NCOR2: variants seen among roughly 807,000 people sequenced by gnomAD.
NCOR2 encodes nuclear receptor corepressor 2.
A neutral mutation model predicts 262.9 loss-of-function variants in NCOR2; 81 were observed. That is an observed-to-expected ratio of 0.31 (90% CI 0.26 to 0.37). The LOEUF (loss-of-function observed/expected upper bound fraction) is 0.37, where lower values mean the gene tolerates loss of function less well. Among genes scored for constraint, NCOR2 ranks in the 10% least tolerant of loss-of-function variants. The probability of loss-of-function intolerance (pLI) is 1.00; values close to 1 mark genes in which losing one functional copy is unlikely to be tolerated. For missense variants in NCOR2, 3,385 were observed against 3,621.4 expected (o/e 0.93, Z 1.68); for synonymous variants, 1,659 against 1,559.3 (o/e 1.06, Z -1.51).
chr12:124,501,234 C>T (rs1287106698), intron 1 of NCOR2, among the ~76,000 whole-genome samples: 1 of 152,080 alleles, frequency 6.6e-6, no homozygotes, highest in Non-Finnish European at 1.5e-5. Context: ...ACAGGCAGGC[C>T]CCAGGAGCCC....
chr12:124,329,274 C>CA (rs1259752809), intron 44 of NCOR2: 13 of 384,798 alleles, frequency 3.4e-5, no homozygotes, highest in Non-Finnish European at 5.2e-5. Context: ...TCAGCCTGGC[C>CA]AATATGATGA....
intron 1 of NCOR2, among the ~76,000 whole-genome samples, chr12:124,508,184 C>A: frequency 6.6e-6 from 1 of 152,366 alleles, no homozygotes; most frequent in East Asian, 1.9e-4. Context: ...TGGGAGGACC[C>A]CACTGCCGCC....
At chr12:124,379,669 T>C (rs2040272317) in intron 17 of NCOR2, among the ~76,000 whole-genome samples, 1 of 152,220 alleles carries the variant, frequency 6.6e-6, no homozygotes, top group African/African-American at 2.4e-5. Context: ...CCAAGAGCCC[T>C]GTACTGGGTT....
At chr12:124,436,611 C>T (rs560233756) in intron 8 of NCOR2, among the ~76,000 whole-genome samples, 1 of 152,220 alleles carries the variant, frequency 6.6e-6, no homozygotes, top group Non-Finnish European at 1.5e-5. Flanking sequence ...GAGCCAAAAC[C>T]AGGCAGCCTC....
At chr12:124,533,612 T>C (rs1013436128) in intron 1 of NCOR2, among the ~76,000 whole-genome samples, 1 of 152,158 alleles carries the variant, frequency 6.6e-6, no homozygotes, top group African/African-American at 2.4e-5. Flanking sequence ...TTGGCCGTCT[T>C]GTCCACAGGT....
At chr12:124,353,584 G>C (rs949493714) in intron 27 of NCOR2, among the ~76,000 whole-genome samples, 1 of 152,196 alleles carries the variant, frequency 6.6e-6, no homozygotes. Context: ...CAAAACCTTG[G>C]GTCCACAGCT....
chr12:124,564,561 G>A (rs2052172978), intron 1 of NCOR2, among the ~76,000 whole-genome samples: 1 of 124,864 alleles, frequency 8.0e-6, no homozygotes, highest in Admixed American at 1.1e-4. Context: ...GTCAGAGGCA[G>A]CATTTGTGGG....
At chr12:124,412,440 G>A (rs372669944) in intron 13 of NCOR2, among the ~76,000 whole-genome samples, 10 of 152,264 alleles carry the variant, frequency 6.6e-5, no homozygotes, top group South Asian at 4.1e-4. Context: ...CAAACATGCA[G>A]ATGCACAGGC....
intron 5 of NCOR2, among the ~76,000 whole-genome samples, chr12:124,465,288 GGGGA>G (rs2046362459): frequency 3.3e-5 from 5 of 151,960 alleles, no homozygotes; most frequent in African/African-American, 1.2e-4. Flanking sequence ...AAATAAGGGA[GGGGA>G]TCAACATCCA....
chr12:124,350,456 G>T, intron 28 of NCOR2, 131 bp downstream of exon 30: 2 of 1,209,926 alleles, frequency 1.7e-6, no homozygotes, highest in Non-Finnish European at 2.3e-6. Flanking sequence ...TACCTGCAGG[G>T]ATAAGGAGGT....
chr12:124,333,365 C>G (rs1028523756), intron 41 of NCOR2, 86 bp from the exon 44 acceptor site: 249 of 1,266,716 alleles, frequency 2.0e-4, no homozygotes, highest in Non-Finnish European at 2.3e-4. Flanking sequence ...CAGGGCCCCA[C>G]ACGCTTTTCC....
At position 124,372,013 on chromosome 12, in the gene NCOR2, C is replaced by T; in HGVS notation, c.2807+9G>A. On this transcript the variant is annotated intron_variant, in intron 20 of 46. Coordinates refer to ENST00000405201, the Ensembl canonical transcript of NCOR2. The stretch of plus-strand genomic sequence containing the variant: ...AAGCCAAGGTTAGGGCTGCCTGGCG[C>T]CCACTCACCGGTTCTTGTCGCCGCC... 6.3e-7 allele frequency: 1 copy of T among 1,577,392 alleles called. No homozygotes were observed.
At chr12:124,530,349 A>G (rs947151903) in intron 1 of NCOR2, 5 of 151,690 alleles carry the variant, frequency 3.3e-5, no homozygotes, top group African/African-American at 1.2e-4. Flanking sequence ...ATTTGGGGGG[A>G]ACAGAAACAC....
Position 124,482,809 on chromosome 12 carries a change from C to T in NCOR2, c.411+787G>A, listed in dbSNP as rs539898199. Among the ~76,000 whole-genome samples, 1 of 152,290 alleles carries T rather than the reference C, an allele frequency of 6.6e-6. No homozygotes were observed. The highest frequency in any genetic ancestry group is 2.1e-4 in the South Asian group (1 of 4,832). ...TCTGGCTCCCCTGCCCAAAGTGCAT[C>T]CGTGGTCCCTCAGGCCTGGGTGGCT... is the stretch of plus-strand genomic sequence containing the variant. On this transcript the variant is annotated intron_variant, in intron 3 of 46. Transcript: ENST00000405201. The surrounding 1 kb of genome is among the most constrained non-coding windows in gnomAD (Gnocchi z 6.3).
exon 45 of NCOR2, chr12:124,327,419 G>A (rs73419814): frequency 1.9e-6 from 3 of 1,609,998 alleles, no homozygotes; most frequent in Non-Finnish European, 8.5e-7. Flanking sequence ...CTGGCGAGGT[G>A]AGTGTGTGGT....
At chr12:124,375,271 G>A (rs2039897760) in intron 18 of NCOR2, among the ~76,000 whole-genome samples, 1 of 152,168 alleles carries the variant, frequency 6.6e-6, no homozygotes, top group African/African-American at 2.4e-5. Flanking sequence ...CCAACGCTGA[G>A]GGCCCCAGGA....
At chr12:124,371,947 G>A in intron 20 of NCOR2, 75 bp downstream of exon 22, 1 of 1,414,220 alleles carries the variant, frequency 7.1e-7, no homozygotes, top group East Asian at 2.4e-5. Context: ...ACTGGGTGCG[G>A]CTGTCTAAGT....
chr12:124,329,348 C>A (rs1332754591), intron 44 of NCOR2, among the ~76,000 whole-genome samples: 1 of 151,848 alleles, frequency 6.6e-6, no homozygotes, highest in African/African-American at 2.4e-5. Context: ...TGTAATCCCG[C>A]TACTTGGGAG....
Position 124,440,817 on chromosome 12 carries a change from C to T in NCOR2, c.816-2821G>A, listed in dbSNP as rs530252859. 5.3e-5 allele frequency among the ~76,000 whole-genome samples: 8 copies of T among 152,220 alleles called. No homozygotes were observed. The East Asian group carries it at 1.5e-3, about 29-fold the overall frequency. Reference sequence around the variant, plus strand: ...CAGAAAGATCTCCCAGAGAGGATGGCCTTGAGCTGGGATCTACGTCATCAG... The same window carrying T: ...CAGAAAGATCTCCCAGAGAGGATGGTCTTGAGCTGGGATCTACGTCATCAG... On this transcript the variant is annotated intron_variant, in intron 7 of 46. Coordinates refer to ENST00000405201, the Ensembl canonical transcript of NCOR2. The surrounding 1 kb of genome is among the most constrained non-coding windows in gnomAD (Gnocchi z 5.7).
Sources: gnomAD v4.1 joint callset for allele counts (sites outside exome capture counted in the v4.1 genomes callset) on GRCh38, gnomAD v4.1.1 for gene constraint, Gnocchi (gnomAD v3.1) non-coding constraint, MANE v1.5 for transcripts, NCBI Gene and HGNC (gene_info 2026-07-23, HGNC 2026-07-21) for gene names.